Variants in LMBR1 observed in about 807,000 individuals in gnomAD.
LMBR1 encodes the protein limb development membrane protein 1, also known as limb region 1 protein homolog.
LMBR1 carries 52 observed loss-of-function variants against 73.9 expected under a neutral mutation model. The ratio of observed to expected loss-of-function variants is 0.70; its 90% CI spans 0.56 to 0.89. LMBR1 has a LOEUF of 0.89. LMBR1 is among the 40% of genes least tolerant of loss of function. The pLI is 0.00. For missense variants in LMBR1, 539 were observed against 579.8 expected (o/e 0.93, Z 0.72); for synonymous variants, 215 against 209.4 (o/e 1.03, Z -0.23).
intron 4 of LMBR1, among the ~76,000 whole-genome samples, chr7:156,798,668 A>T (rs1830436211): frequency 6.6e-6 from 1 of 152,170 alleles, no homozygotes; most frequent in South Asian, 2.1e-4. Flanking sequence ...TATGTGGGGT[A>T]TAACAATAAT....
chr7:156,727,837 G>A (rs1816071422), intron 12 of LMBR1, 93 bp downstream of exon 12: 1 of 764,798 alleles, frequency 1.3e-6, no homozygotes, highest in Non-Finnish European at 2.2e-6. Context: ...CATGCACAAA[G>A]GTGAATGTTT....
intron 1 of LMBR1, among the ~76,000 whole-genome samples, chr7:156,891,190 C>CAAAAAAAAAAAAAAAAAAAAAAAA (rs58107543): frequency 4.8e-5 from 1 of 20,674 alleles, no homozygotes; most frequent in Non-Finnish European, 8.1e-5. Flanking sequence ...GACTCCATCA[C>CAAAAAAAAAAAAAAAAAAAAAAAA]AAAAAAAAAA....
chr7:156,836,749 T>C (rs1384218368), intron 2 of LMBR1, 64 bp downstream of exon 2: 13 of 1,046,650 alleles, frequency 1.2e-5, no homozygotes, highest in Non-Finnish European at 1.8e-5. Flanking sequence ...TAATATATCT[T>C]ATATACCATG....
At chr7:156,880,422 C>T (rs1384242618) in intron 1 of LMBR1, among the ~76,000 whole-genome samples, 2 of 151,472 alleles carry the variant, frequency 1.3e-5, no homozygotes, top group Non-Finnish European at 2.9e-5. Context: ...GATGGGTGCA[C>T]CAAAAGCTCA....
intron 9 of LMBR1, among the ~76,000 whole-genome samples, chr7:156,742,183 A>G (rs1819020324): frequency 6.6e-6 from 1 of 152,122 alleles, no homozygotes; most frequent in Admixed American, 6.5e-5. Flanking sequence ...AGGTGTCTAT[A>G]TAAAAAAAGA....
chr7:156,877,380 C>T (rs2134407253), intron 1 of LMBR1, among the ~76,000 whole-genome samples: 1 of 152,116 alleles, frequency 6.6e-6, no homozygotes, highest in East Asian at 1.9e-4. Context: ...AAGAGAAAAT[C>T]CTCCCTAAAT....
At chr7:156,684,255 T>G in intron 16 of LMBR1, 92 bp from the exon 17 acceptor site, 1 of 994,760 alleles carries the variant, frequency 1.0e-6, no homozygotes. Context: ...TTTACAAAGC[T>G]AAGTGTTATT....
chr7:156,702,635 TTC>T (rs1810033661), intron 15 of LMBR1, among the ~76,000 whole-genome samples: 1 of 152,222 alleles, frequency 6.6e-6, no homozygotes. Flanking sequence ...CAGTTAAATT[TTC>T]TTTTTTCATT....
rs779553382 is a variant in LMBR1, at chr7:156,684,066, C to T, written c.*12G>A. On this transcript the variant is annotated 3_prime_UTR_variant, in exon 17 of 17. Transcript: ENST00000353442. ...CGGGTCTCTTGGTGGCAGAAGACGC[C>T]GTCTGTGCGTCTCACAGTGCTTTCT... is the stretch of plus-strand genomic sequence containing the variant. 1.6e-5 allele frequency: 26 copies of T among 1,602,878 alleles called. No individual in the cohort carries two copies. The highest frequency in any genetic ancestry group is 1.6e-4 in the Middle Eastern group (1 of 6,064).
At chr7:156,732,521 A>G (rs78067328) in intron 10 of LMBR1, among the ~76,000 whole-genome samples, 4,869 of 152,302 alleles carry the variant, frequency 0.032, 123 homozygotes, top group South Asian at 0.084. Context: ...AATTCATAAA[A>G]AATTCTCAAG....
intron 1 of LMBR1, among the ~76,000 whole-genome samples, chr7:156,881,541 G>A (rs1386533850): frequency 6.6e-6 from 1 of 152,160 alleles, no homozygotes; most frequent in Non-Finnish European, 1.5e-5. Flanking sequence ...TCAACATAGT[G>A]ATGGAAATGA....
At chr7:156,876,209 TA>T (rs1377814490) in intron 1 of LMBR1, among the ~76,000 whole-genome samples, 4 of 152,012 alleles carry the variant, frequency 2.6e-5, no homozygotes, top group African/African-American at 9.7e-5. Flanking sequence ...CAAGAGCAGT[TA>T]AAAAAGACAA....
intron 4 of LMBR1, among the ~76,000 whole-genome samples, chr7:156,818,436 G>A (rs538094898): frequency 2.6e-5 from 4 of 152,286 alleles, no homozygotes; most frequent in Non-Finnish European, 4.4e-5. Context: ...GGACAGCTTA[G>A]CCAAAATTGG....
At position 156,867,853 on chromosome 7, in the gene LMBR1, T is replaced by TG. The variant is rs2134269077; in HGVS notation, c.66+25074dup. On this transcript the variant is annotated intron_variant, in intron 1 of 16. Coordinates refer to ENST00000353442, the MANE Select transcript of LMBR1 (RefSeq NM_022458.4). ...ATGAAAATGTTCTATGATTAGACAGTGGTGATGGCTGTCCAAGTCTGTGGA... is the reference window on the plus strand; with the variant it reads ...ATGAAAATGTTCTATGATTAGACAGTGGGTGATGGCTGTCCAAGTCTGTGGA... Among the ~76,000 whole-genome samples the TG allele has an allele frequency of 2.0e-5, 3 of 152,238 alleles. No individual in the cohort carries two copies. The South Asian group carries it at 6.2e-4, about 32-fold the overall frequency.
intron 9 of LMBR1, among the ~76,000 whole-genome samples, chr7:156,743,162 C>T (rs1412913849): frequency 6.6e-6 from 1 of 152,146 alleles, no homozygotes; most frequent in Non-Finnish European, 1.5e-5. Flanking sequence ...GTAGCTCACT[C>T]TACTTCGTCT....
At position 156,685,475 on chromosome 7, in the gene LMBR1, G is replaced by A. The variant is rs930231672; in HGVS notation, c.1388-1312C>T. Among the ~76,000 whole-genome samples, 3 of 152,248 alleles carry A rather than the reference G, an allele frequency of 2.0e-5. No individual in the cohort carries two copies. Among genetic ancestry groups the A allele is most frequent in the Admixed American group, 1.3e-4 (2 of 15,286 alleles). ...ACAGCCATGCCATCCCTAGGCTGCAGGGTGTGGCCGGCTGCTCCTCAGTTA... is the reference window on the plus strand; with the variant it reads ...ACAGCCATGCCATCCCTAGGCTGCAAGGTGTGGCCGGCTGCTCCTCAGTTA... On this transcript the variant is annotated intron_variant, in intron 16 of 16. Transcript: ENST00000353442. This position sits in a 1 kb window ranked among gnomAD's most constrained non-coding sequence, Gnocchi z 4.1.
downstream of LMBR1, among the ~76,000 whole-genome samples, chr7:156,675,183 T>C (rs965201461): frequency 6.6e-6 from 1 of 152,208 alleles, no homozygotes; most frequent in African/African-American, 2.4e-5. Context: ...GCCTGAGCGC[T>C]TTCTATGCTA....
chr7:156,773,995 A>T (rs933378251), intron 5 of LMBR1, among the ~76,000 whole-genome samples: 1 of 144,274 alleles, frequency 6.9e-6, no homozygotes, highest in Non-Finnish European at 1.5e-5. Context: ...TCCAGAATCT[A>T]TAAGGAACTT....
intron 15 of LMBR1, among the ~76,000 whole-genome samples, chr7:156,702,146 G>T (rs1362520588): frequency 1.3e-5 from 2 of 152,190 alleles, no homozygotes; most frequent in South Asian, 2.1e-4. Context: ...ACCCAGTAAT[G>T]AGACTGCTGG....
Sources: gnomAD v4.1 joint callset for allele counts (sites outside exome capture counted in the v4.1 genomes callset) on GRCh38, gnomAD v4.1.1 for gene constraint, Gnocchi (gnomAD v3.1) non-coding constraint, MANE v1.5 for transcripts, NCBI Gene and HGNC (gene_info 2026-07-23, HGNC 2026-07-21) for gene names.